ZNF516: variants seen among roughly 807,000 people sequenced by gnomAD.
ZNF516 encodes zinc finger protein 516.
Under a neutral mutation model 79.7 loss-of-function variants are expected in ZNF516, and 19 were observed. That is an observed-to-expected ratio of 0.24 (90% CI 0.17 to 0.35). The LOEUF (loss-of-function observed/expected upper bound fraction) is 0.35, where lower values mean the gene tolerates loss of function less well. Among genes scored for constraint, ZNF516 ranks in the 10% least tolerant of loss-of-function variants. The pLI, the probability that ZNF516 is intolerant of heterozygous loss-of-function variation, is 1.00. For missense variants in ZNF516, 1,678 were observed against 1,679.5 expected, an observed-to-expected ratio of 1.00 and a Z score of 0.02; for synonymous variants, 877 against 739.5, an observed-to-expected ratio of 1.19 and a Z score of -3.02.
Position 76,378,910 on chromosome 18 carries a change from G to C in ZNF516, c.3204C>G (p.Asp1068Glu), listed in dbSNP as rs376631412. The part of the protein sequence containing the change: ...LNIFKTYIPK[D>E]FATLYQGWGV... ...CCCATCCCTGGTAGAGGGTCGCAAA[G>C]TCCTTTGGAATGTACGTCTTAAAGA... is the stretch of plus-strand genomic sequence containing the variant. The change falls in exon 4 of 7, where the codon GAC becomes GAG. Residue 1068 changes from aspartate (D) to glutamate (E), a missense_variant. Around this residue, in one of 5 missense-constraint regions of ZNF516, gnomAD observed 1,294 missense variants for 1,248.3 expected, o/e 1.04. Coordinates refer to ENST00000443185, the MANE Select transcript of ZNF516 (RefSeq NM_014643.4). 6 of 1,613,758 alleles carry C rather than the reference G, an allele frequency of 3.7e-6. No individual in the cohort carries two copies. Among genetic ancestry groups the C allele is most frequent in the Non-Finnish European group, 4.2e-6 (5 of 1,179,832 alleles).
chr18:76,399,844 C>A (rs2075194647), intron 3 of ZNF516, among the ~76,000 whole-genome samples: 1 of 152,088 alleles, frequency 6.6e-6, no homozygotes, highest in Admixed American at 6.5e-5. Flanking sequence ...CAGCCACCAG[C>A]CCTCACCATG....
chr18:76,491,976 C>T (rs1326316690), intron 1 of ZNF516, among the ~76,000 whole-genome samples: 1 of 152,160 alleles, frequency 6.6e-6, no homozygotes, highest in Non-Finnish European at 1.5e-5. Context: ...TACCTTGTAA[C>T]CGAGTTAGAT....
intron 2 of ZNF516, among the ~76,000 whole-genome samples, chr18:76,462,163 C>T (rs1379553710): frequency 1.3e-5 from 2 of 152,190 alleles, no homozygotes; most frequent in African/African-American, 4.8e-5. Context: ...ACCATGCCCA[C>T]GGGACACACT....
upstream of ZNF516, chr18:76,496,336 C>G: frequency 1.6e-6 from 2 of 1,289,674 alleles, no homozygotes; most frequent in Non-Finnish European, 2.0e-6. Flanking sequence ...GAGGTGGATT[C>G]CGTCCAAGAC....
At chr18:76,404,560 TTGTA>T (rs1425021209) in intron 3 of ZNF516, among the ~76,000 whole-genome samples, 17 of 151,494 alleles carry the variant, frequency 1.1e-4, no homozygotes, top group African/African-American at 1.5e-4. Context: ...GTGCATGTGT[TTGTA>T]TGTTTGTGAG....
At chr18:76,475,616 C>T (rs1306458952) in intron 1 of ZNF516, among the ~76,000 whole-genome samples, 1 of 152,122 alleles carries the variant, frequency 6.6e-6, no homozygotes, top group Non-Finnish European at 1.5e-5. Flanking sequence ...AAGGCGGCTC[C>T]ACAGGGCAGC....
rs1416465847 is a variant in ZNF516, at chr18:76,482,822, T to C, written c.-272+12322A>G. On this transcript the variant is annotated intron_variant, in intron 1 of 6. Transcript: ENST00000443185. ...CAATGACCAGATACTCAAACGAGCC[T>C]GCAAAAATCCTCACACCACGGCCTA... Among the ~76,000 whole-genome samples, 3 of 152,286 alleles carry C rather than the reference T, an allele frequency of 2.0e-5. No individual in the cohort carries two copies. In the East Asian group the frequency reaches 5.8e-4, roughly 29 times the overall value.
chr18:76,372,302 C>T (rs746210491), intron 4 of ZNF516, among the ~76,000 whole-genome samples: 1 of 152,242 alleles, frequency 6.6e-6, no homozygotes, highest in East Asian at 1.9e-4. Flanking sequence ...ATGCAGAGAG[C>T]GTTTATTTGT....
rs75331011 is a variant in ZNF516 at position 76,446,051 on chromosome 18, C to T, written c.-157-2840G>A. On this transcript the variant is annotated intron_variant, in intron 2 of 6. Transcript: ENST00000443185. ...CAGGGCATTCAGCACAAAGTGCACA[C>T]GTGCAGTTGGGAACCCTGGTCCCAG... Among the ~76,000 whole-genome samples, 621 of 152,000 alleles carry T rather than the reference C, an allele frequency of 4.1e-3. 4 individuals are homozygous for T. The highest frequency in any genetic ancestry group is 0.014 in the African/African-American group (572 of 41,556).
chr18:76,442,612 C>T lies in ZNF516; in HGVS notation c.443G>A (p.Ser148Asn). 1 of 1,596,962 alleles carries T rather than the reference C, an allele frequency of 6.3e-7. No individual in the cohort carries two copies. Among genetic ancestry groups the T allele is most frequent in the Non-Finnish European group, 8.5e-7 (1 of 1,178,626 alleles). ...GCTGCTCCGCAGCAGGACTCTGCCG[C>T]TGTCGGCCTGCGAGGCCCCGTTCAG... ...RVLNGASQAD[S>N]GRVLLRSSKK... The change falls in exon 3 of 7, where the codon AGC (serine) becomes AAC (asparagine). Residue 148 changes from serine (S) to asparagine (N), a missense_variant. Around this residue, in one of 5 missense-constraint regions of ZNF516, gnomAD observed 279 missense variants for 254.1 expected, o/e 1.10. Coordinates refer to ENST00000443185, the MANE Select transcript of ZNF516 (RefSeq NM_014643.4).
chr18:76,358,235 G>A lies in ZNF516; in HGVS notation c.*4263C>T, dbSNP rs2074482877. 1 of 152,138 alleles carries A rather than the reference G, an allele frequency of 6.6e-6. No individual in the cohort carries two copies. Among genetic ancestry groups the A allele is most frequent in the South Asian group, 2.1e-4 (1 of 4,826 alleles). The allele number at this position is 152,138 out of a possible 1,614,324, so 9.4% of individuals were successfully genotyped here. On this transcript the variant is annotated 3_prime_UTR_variant, in exon 7 of 7. Coordinates refer to ENST00000443185, the MANE Select transcript of ZNF516 (RefSeq NM_014643.4). ...TATTTATTTCAAATTCCAATAGAAT[G>A]AATATGTTTTATCTAAATATTTTTA...
At chr18:76,366,112 A>G (rs1454760388) in intron 6 of ZNF516, among the ~76,000 whole-genome samples, 1 of 152,210 alleles carries the variant, frequency 6.6e-6, no homozygotes, top group African/African-American at 2.4e-5. Flanking sequence ...AAAGGAAACT[A>G]CTTTATTTCT....
intron 1 of ZNF516, among the ~76,000 whole-genome samples, chr18:76,491,984 G>T (rs1299593884): frequency 6.6e-6 from 1 of 152,152 alleles, no homozygotes; most frequent in African/African-American, 2.4e-5. Context: ...AACCGAGTTA[G>T]ATTTCTGCAG....
At chr18:76,455,408 A>G (rs1290468564) in intron 2 of ZNF516, among the ~76,000 whole-genome samples, 5 of 152,174 alleles carry the variant, frequency 3.3e-5, no homozygotes, top group Non-Finnish European at 7.3e-5. Flanking sequence ...GATTTGTCCA[A>G]TGCAAATGTT....
intron 2 of ZNF516, among the ~76,000 whole-genome samples, chr18:76,458,756 G>A (rs946097596): frequency 2.8e-5 from 4 of 141,238 alleles, no homozygotes; most frequent in South Asian, 2.2e-4. Context: ...CCTCACCGTC[G>A]TGCGTGTGTG....
intron 3 of ZNF516, among the ~76,000 whole-genome samples, chr18:76,440,255 T>G (rs2075797621): frequency 6.6e-6 from 1 of 152,124 alleles, no homozygotes; most frequent in African/African-American, 2.4e-5. Context: ...AAATCTCTAA[T>G]AAGGAAAAAT....
intron 1 of ZNF516, among the ~76,000 whole-genome samples, chr18:76,482,478 T>C: frequency 6.6e-6 from 1 of 152,152 alleles, no homozygotes; most frequent in Non-Finnish European, 1.5e-5. Flanking sequence ...ATCTCCAGGG[T>C]GGACGTCGGT....
At chr18:76,375,593 AGGTCCTGGG>A (rs1256155522) in intron 4 of ZNF516, among the ~76,000 whole-genome samples, 1 of 144,606 alleles carries the variant, frequency 6.9e-6, no homozygotes, top group Non-Finnish European at 1.6e-5. Flanking sequence ...TGGACCCAGA[AGGTCCTGGG>A]GACCAGGTCT....
chr18:76,460,277 C>T (rs543267181), intron 2 of ZNF516, among the ~76,000 whole-genome samples: 19 of 152,282 alleles, frequency 1.2e-4, no homozygotes, highest in African/African-American at 4.3e-4. Flanking sequence ...ATTTCACAGA[C>T]GAGGACGCTG....
Sources: gnomAD v4.1 joint callset for allele counts (sites outside exome capture counted in the v4.1 genomes callset) on GRCh38, gnomAD v4.1.1 for gene constraint, gnomAD v4.1.1 regional missense constraint, MANE v1.5 for transcripts, NCBI Gene and HGNC (gene_info 2026-07-23, HGNC 2026-07-21) for gene names.